The following DIP2B variants were observed in gnomAD, a reference collection of about 807,000 sequenced individuals.
DIP2B encodes the protein disco-interacting protein 2 homolog B.
Under a neutral mutation model 198.0 loss-of-function variants are expected in DIP2B, and 76 were observed. The observed-to-expected ratio is 0.38, with a 90% CI of 0.32 to 0.46. The LOEUF (loss-of-function observed/expected upper bound fraction) is 0.46. Among genes scored for constraint, DIP2B ranks in the 20% least tolerant of loss-of-function variants. The probability of loss-of-function intolerance (pLI) is 0.99; values close to 1 mark genes in which losing one functional copy is unlikely to be tolerated. For missense variants in DIP2B, 1,559 were observed against 1,978.4 expected (o/e 0.79, Z 4.02); for synonymous variants, 701 against 739.1 (o/e 0.95, Z 0.84).
At chr12:50,517,781 T>A (rs1045996811) in intron 1 of DIP2B, among the ~76,000 whole-genome samples, 1 of 152,226 alleles carries the variant, frequency 6.6e-6, no homozygotes, top group Non-Finnish European at 1.5e-5. Flanking sequence ...TGTATGCTTT[T>A]GTATACATTG....
At chr12:50,714,159 A>G (rs1378493935) in intron 22 of DIP2B, among the ~76,000 whole-genome samples, 1 of 152,210 alleles carries the variant, frequency 6.6e-6, no homozygotes, top group East Asian at 1.9e-4. Context: ...ACCTTTGTCC[A>G]TTTAGATTGT....
chr12:50,516,727 C>T (rs1424564813), intron 1 of DIP2B, among the ~76,000 whole-genome samples: 1 of 152,028 alleles, frequency 6.6e-6, no homozygotes, highest in Non-Finnish European at 1.5e-5. Flanking sequence ...ATAATCCCAG[C>T]ACTTTGGGAG....
chr12:50,648,433 G>A (rs1284522040), intron 3 of DIP2B, among the ~76,000 whole-genome samples: 3 of 151,916 alleles, frequency 2.0e-5, no homozygotes, highest in Non-Finnish European at 4.4e-5. Context: ...GCCCGATCTC[G>A]GCTCACTGCA....
intron 4 of DIP2B, among the ~76,000 whole-genome samples, chr12:50,670,572 T>C (rs1298611664): frequency 6.6e-6 from 1 of 151,972 alleles, no homozygotes; most frequent in Non-Finnish European, 1.5e-5. Flanking sequence ...TGCACCACCA[T>C]GCCTGTCTAA....
At chr12:50,687,429 TGTTAA>T (rs1939150261) in intron 12 of DIP2B, among the ~76,000 whole-genome samples, 1 of 152,188 alleles carries the variant, frequency 6.6e-6, no homozygotes, top group Non-Finnish European at 1.5e-5. Flanking sequence ...GCTCACCAAT[TGTTAA>T]GTTAATGAAC....
At chr12:50,650,135 G>A (rs1239984713) in intron 3 of DIP2B, among the ~76,000 whole-genome samples, 5 of 151,918 alleles carry the variant, frequency 3.3e-5, no homozygotes, top group East Asian at 1.9e-4. Flanking sequence ...GCTTGAACCC[G>A]GGAGGCGGAG....
chr12:50,617,968 A>T (rs1180101368), intron 1 of DIP2B, among the ~76,000 whole-genome samples: 1 of 152,190 alleles, frequency 6.6e-6, no homozygotes, highest in Non-Finnish European at 1.5e-5. Context: ...TAATTTTTTT[A>T]AATTGCATCT....
At position 50,744,591 on chromosome 12, in the gene DIP2B, G is replaced by A. The variant is rs749017384; in HGVS notation, c.4483G>A (p.Val1495Met). ...GAATTGTCATTGAAATTTCAGTGCC[G>A]TGTTCACATGGACCAACTTGCTTGT... ...RIHRSIAECA[V>M]FTWTNLLVVV... Residue 1495 changes from valine to methionine, a missense_variant, in exon 38 of 38, where the codon GTG becomes ATG. Transcript: ENST00000301180. 6.9e-5 allele frequency: 112 copies of A among 1,613,120 alleles called. 1 individual carries two copies. Among genetic ancestry groups the A allele is most frequent in the Middle Eastern group, 1.6e-4 (1 of 6,078 alleles).
At chr12:50,605,704 G>A (rs1958975119) in intron 1 of DIP2B, among the ~76,000 whole-genome samples, 1 of 152,186 alleles carries the variant, frequency 6.6e-6, no homozygotes, top group African/African-American at 2.4e-5. Flanking sequence ...AGAAAGTATG[G>A]TGTTTTATGA....
chr12:50,718,922 ACCCTGAGT>A, intron 24 of DIP2B, 25 bp from the exon 25 acceptor site: 1 of 1,613,790 alleles, frequency 6.2e-7, no homozygotes, highest in South Asian at 1.1e-5. Context: ...TAAGTTGCTG[ACCCTGAGT>A]CCTTTTTCTG....
At chr12:50,726,307 G>A (rs1939932771) in intron 28 of DIP2B, among the ~76,000 whole-genome samples, 1 of 152,192 alleles carries the variant, frequency 6.6e-6, no homozygotes, top group East Asian at 1.9e-4. Flanking sequence ...GGGAAGCAGA[G>A]GAGGTATCAT....
At chr12:50,591,400 T>C (rs745685950) in intron 1 of DIP2B, among the ~76,000 whole-genome samples, 1 of 152,090 alleles carries the variant, frequency 6.6e-6, no homozygotes, top group Non-Finnish European at 1.5e-5. Context: ...TTGTATTCCT[T>C]TTTTAAAATT....
At chr12:50,649,458 A>G (rs2139498171) in intron 3 of DIP2B, among the ~76,000 whole-genome samples, 1 of 152,372 alleles carries the variant, frequency 6.6e-6, no homozygotes, top group South Asian at 2.1e-4. Context: ...TTAGTATACA[A>G]TAAAGATTAC....
chr12:50,543,865 A>T (rs1363651097), intron 1 of DIP2B, among the ~76,000 whole-genome samples: 1 of 146,134 alleles, frequency 6.8e-6, no homozygotes, highest in Admixed American at 7.0e-5. Context: ...CAGAGGTTGC[A>T]GTGAGCTGAG....
chr12:50,720,798 A>G (rs1939821905), intron 25 of DIP2B, among the ~76,000 whole-genome samples: 1 of 152,172 alleles, frequency 6.6e-6, no homozygotes, highest in Non-Finnish European at 1.5e-5. Context: ...ACAAAAAAAG[A>G]AAGAAAAAGC....
At chr12:50,580,969 T>C (rs1338403262) in intron 1 of DIP2B, among the ~76,000 whole-genome samples, 3 of 149,398 alleles carry the variant, frequency 2.0e-5, no homozygotes, top group South Asian at 2.2e-4. Flanking sequence ...TGGTAGCTCT[T>C]TCTTAATGTT....
chr12:50,517,810 A>G (rs770115419), intron 1 of DIP2B, among the ~76,000 whole-genome samples: 73 of 151,836 alleles, frequency 4.8e-4, no homozygotes, highest in Non-Finnish European at 9.3e-4. Flanking sequence ...TAAAATGTCC[A>G]CTCTGGTATG....
intron 37 of DIP2B, among the ~76,000 whole-genome samples, chr12:50,744,350 T>A (rs1385172244): frequency 6.6e-6 from 1 of 152,006 alleles, no homozygotes; most frequent in Non-Finnish European, 1.5e-5. Context: ...TCTGGACAAC[T>A]CAGCTGTGTT....
intron 1 of DIP2B, among the ~76,000 whole-genome samples, chr12:50,585,181 T>G (rs979239244): frequency 4.6e-5 from 7 of 152,244 alleles, no homozygotes; most frequent in Non-Finnish European, 1.0e-4. Flanking sequence ...AAGTAGTGAC[T>G]TATCCACCTC....
Sources: gnomAD v4.1 joint callset for allele counts (sites outside exome capture counted in the v4.1 genomes callset) on GRCh38, gnomAD v4.1.1 for gene constraint, MANE v1.5 for transcripts, NCBI Gene and HGNC (gene_info 2026-07-23, HGNC 2026-07-21) for gene names.